KIF26B: variants seen among roughly 807,000 people sequenced by gnomAD.
KIF26B encodes kinesin family member 26B.
A neutral mutation model predicts 151.2 loss-of-function variants in KIF26B; 63 were observed. That is an observed-to-expected ratio of 0.42 (90% CI 0.34 to 0.51). The LOEUF is 0.51. Among genes scored for constraint, KIF26B ranks in the 20% least tolerant of loss-of-function variants. KIF26B has a pLI of 0.07. For synonymous variants in KIF26B, 1,357 were observed against 1,262.1 expected (o/e 1.08, Z -1.59); for missense variants, 2,813 against 2,913.6 (o/e 0.97, Z 0.79).
chr1:245,471,243 G>A (rs926618280), intron 4 of KIF26B, among the ~76,000 whole-genome samples: 1 of 151,952 alleles, frequency 6.6e-6, no homozygotes, highest in African/African-American at 2.4e-5. Flanking sequence ...CAGTTCTCCT[G>A]CCTTGGCCTC....
At chr1:245,634,679 C>T (rs1046304091) in intron 9 of KIF26B, among the ~76,000 whole-genome samples, 2 of 152,122 alleles carry the variant, frequency 1.3e-5, no homozygotes, top group South Asian at 2.1e-4. Flanking sequence ...ACCTCACTTG[C>T]TCATGGTATA....
intron 2 of KIF26B, among the ~76,000 whole-genome samples, chr1:245,212,956 A>G (rs1488637905): frequency 2.0e-5 from 3 of 152,248 alleles, no homozygotes; most frequent in Non-Finnish European, 4.4e-5. Context: ...AAGTTGACCC[A>G]GTTAGATTAA....
At chr1:245,300,534 C>CTT (rs199923880) in intron 2 of KIF26B, among the ~76,000 whole-genome samples, 6,537 of 144,760 alleles carry the variant, frequency 0.045, 258 homozygotes, top group African/African-American at 0.1. Flanking sequence ...TTTCTTTTTT[C>CTT]TTTTTTTTTT....
chr1:245,687,671 G>C lies in KIF26B; in HGVS notation c.4688G>C (p.Gly1563Ala), dbSNP rs774578200. 2 of 1,577,934 alleles carry C rather than the reference G, an allele frequency of 1.3e-6. No individual in the cohort carries two copies. Among genetic ancestry groups the C allele is most frequent in the East Asian group, 4.7e-5 (2 of 42,856 alleles). Residue 1563 changes from glycine to alanine, a missense_variant, in exon 12 of 15, where the codon GGG becomes GCG. Physicochemically the swap from Gly to Ala is moderately conservative, Grantham distance 60. Transcript: ENST00000407071. The surrounding 1 kb of genome is among the most constrained non-coding windows in gnomAD (Gnocchi z 4.9). ...LSYYCAAETN[G>A]VGAASGTPPS... ...TATTACTGCGCTGCTGAGACCAACG[G>C]GGTGGGTGCAGCCTCGGGCACCCCG...
intron 2 of KIF26B, 31 bp downstream of exon 2, chr1:245,156,714 C>CGCCGGGAGGGCGGG (rs1029051686): frequency 1.8e-5 from 25 of 1,369,650 alleles, no homozygotes; most frequent in Non-Finnish European, 2.4e-5. Flanking sequence ...GCTGGGGAGG[C>CGCCGGGAGGGCGGG]GCCGGGAGGG....
chr1:245,444,149 C>T (rs192917510), intron 4 of KIF26B, among the ~76,000 whole-genome samples: 43 of 107,952 alleles, frequency 4.0e-4, no homozygotes, highest in East Asian at 1.7e-3. Context: ...TCACCTAGAG[C>T]GGTCATCTCC....
chr1:245,374,471 A>C (rs1216828891), intron 3 of KIF26B, among the ~76,000 whole-genome samples: 1 of 152,012 alleles, frequency 6.6e-6, no homozygotes, highest in East Asian at 1.9e-4. Flanking sequence ...TGTTTCCAGC[A>C]GGTCAGGAGT....
At chr1:245,652,555 A>G (rs1333647651) in intron 10 of KIF26B, among the ~76,000 whole-genome samples, 1 of 151,958 alleles carries the variant, frequency 6.6e-6, no homozygotes, top group Non-Finnish European at 1.5e-5. Context: ...GATTGTTATT[A>G]TTTTCTTAAG....
intron 3 of KIF26B, among the ~76,000 whole-genome samples, chr1:245,403,969 CT>C (rs943879502): frequency 2.6e-5 from 4 of 152,154 alleles, no homozygotes; most frequent in African/African-American, 9.7e-5. Context: ...CCACTGGCTT[CT>C]TTTTGGAGAT....
chr1:245,623,799 G>A (rs894903416), intron 9 of KIF26B, among the ~76,000 whole-genome samples: 3 of 152,288 alleles, frequency 2.0e-5, no homozygotes, highest in Admixed American at 2.0e-4. Context: ...TATGTCATTA[G>A]ATATATGCAA....
intron 9 of KIF26B, among the ~76,000 whole-genome samples, chr1:245,645,610 T>C (rs1255565607): frequency 6.6e-6 from 1 of 152,214 alleles, no homozygotes; most frequent in African/African-American, 2.4e-5. Context: ...ATTTGGGTCT[T>C]CCCTGTCTCT....
intron 4 of KIF26B, among the ~76,000 whole-genome samples, chr1:245,470,742 CCT>C: frequency 6.6e-6 from 1 of 151,956 alleles, no homozygotes; most frequent in Admixed American, 6.6e-5. Context: ...CACTTTGACC[CCT>C]GTCTTTGCTC....
intron 10 of KIF26B, among the ~76,000 whole-genome samples, chr1:245,649,280 C>G (rs986350008): frequency 4.6e-5 from 7 of 152,206 alleles, no homozygotes; most frequent in African/African-American, 1.4e-4. Context: ...AAGGTTTACT[C>G]AAATCACCCA....
chr1:245,156,410 C>A lies in KIF26B; in HGVS notation c.192C>A (p.Gly64=). The A allele has an allele frequency of 6.5e-7, 1 of 1,534,660 alleles. No homozygotes were observed. Among genetic ancestry groups the A allele is most frequent in the South Asian group, 1.2e-5 (1 of 83,284 alleles). Residue 64 remains glycine (G), a synonymous_variant, in exon 2 of 15, where the codon GGC becomes GGA. Coordinates refer to ENST00000407071, the MANE Select transcript of KIF26B (RefSeq NM_018012.4). ...CTGAGGGCGCGGGCTCAGCGCTCGGCTCCTCGGGGACCCCGTCTCCCGGCT... is the reference window on the plus strand; with the variant it reads ...CTGAGGGCGCGGGCTCAGCGCTCGGATCCTCGGGGACCCCGTCTCCCGGCT... ...PTPEGAGSAL[G]SSGTPSPGSG...
intron 4 of KIF26B, among the ~76,000 whole-genome samples, chr1:245,465,661 G>T (rs926417168): frequency 1.3e-5 from 2 of 152,196 alleles, no homozygotes; most frequent in Non-Finnish European, 2.9e-5. Flanking sequence ...AAAGCGGATG[G>T]CGCGCTGCGT....
chr1:245,292,224 A>G (rs1266922901), intron 2 of KIF26B, among the ~76,000 whole-genome samples: 1 of 152,172 alleles, frequency 6.6e-6, no homozygotes, highest in Non-Finnish European at 1.5e-5. Context: ...ATTTGTTCAA[A>G]TCTTGAGTGT....
chr1:245,280,537 A>AAAAAAAAAAAAAAAAAAG (rs752454576), intron 2 of KIF26B, among the ~76,000 whole-genome samples: 21 of 123,730 alleles, frequency 1.7e-4, no homozygotes, highest in African/African-American at 4.1e-4. Context: ...TCTCAAAAAA[A>AAAAAAAAAAAAAAAAAAG]AAAAGAAAAG....
At chr1:245,664,976 T>G (rs4233445) in intron 10 of KIF26B, among the ~76,000 whole-genome samples, 103,154 of 152,088 alleles carry the variant, frequency 0.68, 35,145 homozygotes, top group East Asian at 0.82. Flanking sequence ...TCACAGTTTG[T>G]TTAAAAATAA....
intron 4 of KIF26B, among the ~76,000 whole-genome samples, chr1:245,460,049 G>A (rs576901360): frequency 1.2e-3 from 189 of 152,180 alleles, no homozygotes; most frequent in African/African-American, 4.3e-3. Context: ...GCATGGTATC[G>A]TCTCACTACA....
Sources: gnomAD v4.1 joint callset for allele counts (sites outside exome capture counted in the v4.1 genomes callset) on GRCh38, gnomAD v4.1.1 for gene constraint, Gnocchi (gnomAD v3.1) non-coding constraint, MANE v1.5 for transcripts, NCBI Gene and HGNC (gene_info 2026-07-23, HGNC 2026-07-21) for gene names.